The following PI4KA variants were observed in gnomAD, a reference collection of about 807,000 sequenced individuals.
The protein encoded by PI4KA is PI4-kinase alpha.
In PI4KA, 122 loss-of-function variants were observed where a neutral mutation model predicts 271.4. That is an observed-to-expected ratio of 0.45 (90% CI 0.39 to 0.52). The LOEUF is 0.52. Ranked by LOEUF, PI4KA falls within the 20% of genes least tolerant of loss-of-function variation. The pLI, the probability that PI4KA is intolerant of heterozygous loss-of-function variation, is 0.00. For missense variants in PI4KA, 1,969 were observed against 2,769.1 expected, an observed-to-expected ratio of 0.71 and a Z score of 6.48; for synonymous variants, 1,041 against 1,078.8, an observed-to-expected ratio of 0.96 and a Z score of 0.69.
intron 30 of PI4KA, chr22:20,742,995 C>T (rs528439061): frequency 1.8e-6 from 1 of 545,706 alleles, no homozygotes; most frequent in Non-Finnish European, 3.3e-6. Context: ...AGTGCCACCA[C>T]TGCAGATGTT....
intron 23 of PI4KA, among the ~76,000 whole-genome samples, chr22:20,755,009 G>C (rs1233918845): frequency 6.6e-6 from 1 of 152,090 alleles, no homozygotes; most frequent in African/African-American, 2.4e-5. Context: ...GGCTGGTCTT[G>C]AACTCCTGGG....
chr22:20,817,803 A>G (rs1351340375), intron 7 of PI4KA, among the ~76,000 whole-genome samples: 1 of 146,456 alleles, frequency 6.8e-6, no homozygotes, highest in Non-Finnish European at 1.5e-5. Context: ...ACATTCTTTA[A>G]TATTATCTAC....
At chr22:20,761,414 T>C in intron 22 of PI4KA, 28 bp from the exon 23 acceptor site, 1 of 1,521,876 alleles carries the variant, frequency 6.6e-7, no homozygotes, top group Non-Finnish European at 9.1e-7. Flanking sequence ...TTAAATAAAT[T>C]TTGAAAAATC....
intron 32 of PI4KA, among the ~76,000 whole-genome samples, chr22:20,739,203 G>A (rs930496705): frequency 2.4e-3 from 130 of 53,590 alleles, no homozygotes; most frequent in East Asian, 6.6e-4. Flanking sequence ...AAAATTAGCC[G>A]GGCGTGGTGG....
intron 9 of PI4KA, among the ~76,000 whole-genome samples, chr22:20,808,718 C>A (rs1935824328): frequency 6.6e-6 from 1 of 150,844 alleles, no homozygotes; most frequent in African/African-American, 2.4e-5. Context: ...TCACTCTGTA[C>A]CCCAGGCTGG....
At chr22:20,743,865 TA>T (rs781044139) in intron 30 of PI4KA, among the ~76,000 whole-genome samples, 1 of 151,900 alleles carries the variant, frequency 6.6e-6, no homozygotes, top group South Asian at 2.1e-4. Flanking sequence ...CCGTCCTGGC[TA>T]ACACAGTGAA....
In PI4KA at chr22:20,709,769, C is replaced by A; in HGVS notation, c.6173+139G>T. ...TGTGGTCTAGGGGCAGAGCCTCACC[C>A]AAGAACCCTGTCTGCTCTGAGGTTC... On this transcript the variant is annotated intron_variant, in intron 53 of 54. Transcript: ENST00000255882. The A allele has an allele frequency of 4.5e-6, 2 of 448,764 alleles. 1 individual carries two copies. The highest frequency in any genetic ancestry group is 8.0e-6 in the Non-Finnish European group (2 of 250,104). The allele number at this position is 448,764 out of a possible 1,614,324, so 27.8% of individuals were successfully genotyped here. A position where few individuals can be genotyped will look rare whatever the true frequency, so the allele number is the denominator to read the frequency against.
chr22:20,727,392 C>A lies in PI4KA; in HGVS notation c.4779G>T (p.Leu1593=). The part of the protein sequence containing the change: ...VSDVPEAIKF[L]VTWHTIDADA... ...CGGCGTCGATGGTGTGCCAGGTGAC[C>A]AGGAACTGCAGAGAAGGTGGGGAGA... Residue 1593 remains leucine, a synonymous_variant, in exon 41 of 55, where the codon CTG becomes CTT. Transcript: ENST00000255882. The A allele has an allele frequency of 1.2e-6, 2 of 1,601,502 alleles. No individual in the cohort carries two copies. The highest frequency in any genetic ancestry group is 1.7e-6 in the Non-Finnish European group (2 of 1,174,020).
At chr22:20,798,038 A>T (rs1489868824) in intron 17 of PI4KA, among the ~76,000 whole-genome samples, 1 of 152,194 alleles carries the variant, frequency 6.6e-6, no homozygotes, top group Non-Finnish European at 1.5e-5. Context: ...CAGACTTTAT[A>T]CAAGTATCAA....
Position 20,744,618 on chromosome 22 carries a change from A to G in PI4KA, c.3456+10T>C. The G allele has an allele frequency of 6.2e-7, 1 of 1,610,250 alleles. No homozygotes were observed. The highest frequency in any genetic ancestry group is 1.1e-5 in the South Asian group (1 of 91,004). On this transcript the variant is annotated intron_variant, in intron 30 of 54. Transcript: ENST00000255882. ...TTAAAGGCCCTAGGGCGCAAGGACA[A>G]GAGAAGCACCTCGCCCGCGTAGCGG...
At chr22:20,734,623 A>G in intron 32 of PI4KA, 70 bp from the exon 33 acceptor site, 1 of 1,456,330 alleles carries the variant, frequency 6.9e-7, no homozygotes. Context: ...GTTTTCTCTA[A>G]TTAAAAAAAG....
intron 19 of PI4KA, among the ~76,000 whole-genome samples, chr22:20,782,260 A>C (rs1327191265): frequency 2.6e-5 from 4 of 152,098 alleles, no homozygotes; most frequent in Non-Finnish European, 5.9e-5. Context: ...GGAGGTGGAG[A>C]AATGATCAGG....
Position 20,847,225 on chromosome 22 carries a change from C to T in PI4KA, c.157-8494G>A, listed in dbSNP as rs900808148. Among the ~76,000 whole-genome samples the T allele has an allele frequency of 5.9e-5, 9 of 151,704 alleles. No homozygotes were observed. In the Middle Eastern group the frequency reaches 0.01, roughly 172 times the overall value. On this transcript the variant is annotated intron_variant, in intron 1 of 54. Transcript: ENST00000255882. ...TGATGAGAAGATCTGTGCAGCAAACCACCATGGCACACATTTAACAAACCT... is the reference window on the plus strand; with the variant it reads ...TGATGAGAAGATCTGTGCAGCAAACTACCATGGCACACATTTAACAAACCT...
chr22:20,783,977 T>C, intron 19 of PI4KA: 1 of 1,614,220 alleles, frequency 6.2e-7, no homozygotes, highest in Non-Finnish European at 8.5e-7. Context: ...TACAGGATCC[T>C]GGGTGAATAA....
chr22:20,790,518 G>A (rs138672699), intron 19 of PI4KA, among the ~76,000 whole-genome samples: 156 of 151,804 alleles, frequency 1.0e-3, no homozygotes, highest in African/African-American at 3.6e-3. Flanking sequence ...AAAATTAGCC[G>A]TGCATGGTGG....
At position 20,799,099 on chromosome 22, in the gene PI4KA, G is replaced by A. The variant is rs766109427; in HGVS notation, c.1998C>T (p.Thr666=). The A allele has an allele frequency of 2.4e-5, 39 of 1,612,938 alleles. No individual in the cohort carries two copies. Among genetic ancestry groups the A allele is most frequent in the Middle Eastern group, 1.6e-4 (1 of 6,082 alleles). Residue 666 remains threonine (T), a synonymous_variant, in exon 16 of 55, where the codon ACC becomes ACT. Transcript: ENST00000255882. The part of the protein sequence containing the change: ...IIDQLGCLVI[T]GNQYIYQEVW... ...TGGCTCTGGCCTCCCTTACATTTCC[G>A]GTGATAACCAGGCAGCCCAGCTGGT...
chr22:20,717,975 G>C (rs1182586331), intron 44 of PI4KA, 197 bp from the exon 45 acceptor site: 1 of 589,480 alleles, frequency 1.7e-6, no homozygotes, highest in East Asian at 3.0e-5. Context: ...AGCCCCGGAA[G>C]GGCTGTTTTC....
intron 5 of PI4KA, among the ~76,000 whole-genome samples, chr22:20,820,240 A>G (rs1368628094): frequency 1.3e-5 from 2 of 152,190 alleles, no homozygotes; most frequent in Non-Finnish European, 2.9e-5. Context: ...TAGCCTCACA[A>G]CACAGAAAAA....
intron 7 of PI4KA, among the ~76,000 whole-genome samples, chr22:20,815,992 T>C (rs530801594): frequency 2.4e-4 from 37 of 152,150 alleles, no homozygotes; most frequent in African/African-American, 8.4e-4. Context: ...CAGGCTGCAG[T>C]GCAGTGTCAC....
Sources: gnomAD v4.1 joint callset for allele counts (sites outside exome capture counted in the v4.1 genomes callset) on GRCh38, gnomAD v4.1.1 for gene constraint, MANE v1.5 for transcripts, NCBI Gene and HGNC (gene_info 2026-07-23, HGNC 2026-07-21) for gene names.